SMURF1: variants seen among roughly 807,000 people sequenced by gnomAD.
SMURF1 encodes the protein SMAD specific E3 ubiquitin protein ligase 1.
In SMURF1, 44 loss-of-function variants were observed where a neutral mutation model predicts 98.0. The observed-to-expected ratio is 0.45, with a 90% CI of 0.35 to 0.58. The LOEUF (loss-of-function observed/expected upper bound fraction) is 0.58. Ranked by LOEUF, SMURF1 falls within the 20% of genes least tolerant of loss-of-function variation. The probability of loss-of-function intolerance (pLI) is 0.00; values close to 1 mark genes in which losing one functional copy is unlikely to be tolerated. For synonymous variants in SMURF1, 396 were observed against 374.9 expected, an observed-to-expected ratio of 1.06 and a Z score of -0.65; for missense variants, 687 against 938.4, an observed-to-expected ratio of 0.73 and a Z score of 3.50.
At position 99,028,133 on chromosome 7, in the gene SMURF1, C is replaced by T. The variant is rs1409175284; in HGVS notation, c.*2451G>A. The stretch of plus-strand genomic sequence containing the variant: ...GGGGCAGGGGGCATGGCTGGATCGC[C>T]TGGGACCACCGAGAGGGGCAACACA... On this transcript the variant is annotated 3_prime_UTR_variant, in exon 18 of 18. Transcript: ENST00000361368. The T allele has an allele frequency of 7.5e-6, 1 of 133,106 alleles. No homozygotes were observed. The highest frequency in any genetic ancestry group is 1.6e-5 in the Non-Finnish European group (1 of 60,678). 8.2% of individuals were successfully genotyped at this position (133,106 alleles called of 1,614,324 possible). A position where few individuals can be genotyped will look rare whatever the true frequency, so the allele number is the denominator to read the frequency against.
At position 99,049,616 on chromosome 7, in the gene SMURF1, A is replaced by T. The variant is rs1795691906; in HGVS notation, c.900T>A (p.Asp300Glu). ...TAAACTGGGTTGTTCGGTTATTATG[A>T]TCTACAAAATATATCCTCCCAGAAA... ...STVSGRIYFVDHNNRTTQFTD... is the reference protein window; with the variant it reads ...STVSGRIYFVEHNNRTTQFTD... The change falls in exon 9 of 18, where the codon GAT (aspartate) becomes GAA (glutamate). Residue 300 changes from aspartate (D) to glutamate (E), a missense_variant. Physicochemically the swap from Asp to Glu is conservative, Grantham distance 45. Coordinates refer to ENST00000361368, the MANE Select transcript of SMURF1 (RefSeq NM_181349.3). 6.2e-7 allele frequency: 1 copy of T among 1,613,992 alleles called. No homozygotes were observed. The highest frequency in any genetic ancestry group is 1.3e-5 in the African/African-American group (1 of 74,916).
intron 8 of SMURF1, chr7:99,050,561 T>TGATTAATGATTCTCCTGAATGAA (rs542115361): frequency 0.081 from 14,828 of 183,130 alleles, 841 homozygotes; most frequent in Non-Finnish European, 0.1. Flanking sequence ...ATTCTCCTGA[T>TGATTAATGATTCTCCTGAATGAA]TAATAATTTC....
chr7:99,065,604 G>A (rs997187961), intron 1 of SMURF1, among the ~76,000 whole-genome samples: 11 of 152,120 alleles, frequency 7.2e-5, no homozygotes, highest in African/African-American at 1.2e-4. Context: ...GTTTGCTTCA[G>A]TTTTCCTTTT....
intron 1 of SMURF1, among the ~76,000 whole-genome samples, chr7:99,113,609 G>A (rs1003414508): frequency 4.6e-5 from 7 of 151,944 alleles, no homozygotes; most frequent in Admixed American, 2.0e-4. Flanking sequence ...GGGAGTCCAA[G>A]GCGGGCAGAT....
chr7:99,105,606 C>T (rs187719154), intron 1 of SMURF1, among the ~76,000 whole-genome samples: 49 of 152,266 alleles, frequency 3.2e-4, no homozygotes, highest in Middle Eastern at 3.4e-3. Context: ...TAGCTTTGCC[C>T]AAGATAACAC....
At position 99,051,403 on chromosome 7, in the gene SMURF1, G is replaced by T. The variant is rs774902933; in HGVS notation, c.760C>A (p.His254Asn). 6.2e-7 allele frequency: 1 copy of T among 1,614,128 alleles called. No individual in the cohort carries two copies. The highest frequency in any genetic ancestry group is 8.5e-7 in the Non-Finnish European group (1 of 1,179,996). ...CACGTGCTAACTCCAGTCTGTGTAT[G>T]CAAAAAGTAAACTTGGCCCTGGACT... ...TTVQGQVYFLHTQTGVSTWHD... is the reference protein window; with the variant it reads ...TTVQGQVYFLNTQTGVSTWHD... The change falls in exon 8 of 18, where the codon CAT (histidine) becomes AAT (asparagine). Residue 254 changes from histidine to asparagine, a missense_variant. Physicochemically the swap from His to Asn is moderately conservative, Grantham distance 68. This residue lies in a region of SMURF1 where 415 missense variants were observed against 508.4 expected (regional missense o/e 0.82). Coordinates refer to ENST00000361368, the MANE Select transcript of SMURF1 (RefSeq NM_181349.3).
chr7:99,143,828 AGCCCG>A lies in SMURF1; in HGVS notation c.-53_-49del, dbSNP rs754575938. 47 of 1,442,120 alleles carry A rather than the reference AGCCCG, an allele frequency of 3.3e-5. 1 individual carries two copies. The highest frequency in any genetic ancestry group is 1.3e-4 in the East Asian group (4 of 29,778). 89.3% of individuals were successfully genotyped at this position (1,442,120 alleles called of 1,614,324 possible). On this transcript the variant is annotated 5_prime_UTR_variant, in exon 1 of 18. Coordinates refer to ENST00000361368, the MANE Select transcript of SMURF1 (RefSeq NM_181349.3). The stretch of plus-strand genomic sequence containing the variant: ...CGCGGATCCAGCGCCACCGCCCCCC[AGCCCG>A]GCCCGGCCCGGCCCCGCCGCCGCCG...
intron 12 of SMURF1, among the ~76,000 whole-genome samples, chr7:99,041,730 T>G (rs1795393587): frequency 6.6e-6 from 1 of 152,228 alleles, no homozygotes; most frequent in African/African-American, 2.4e-5. Flanking sequence ...TGGCAGCATT[T>G]GTGGCTTAAA....
chr7:99,103,110 A>AT lies in SMURF1; in HGVS notation c.55+40615dup, dbSNP rs1204352075. Among the ~76,000 whole-genome samples the AT allele has an allele frequency of 3.9e-5, 6 of 151,934 alleles. No individual in the cohort carries two copies. In the South Asian group the frequency reaches 1.0e-3, roughly 26 times the overall value. On this transcript the variant is annotated intron_variant, in intron 1 of 17. Transcript: ENST00000361368. ...GAGCCACCACACCCGGTTACAATCAATTTTTTTTCTTTTTTGGTGGCACAT... is the reference window on the plus strand; with the variant it reads ...GAGCCACCACACCCGGTTACAATCAATTTTTTTTTCTTTTTTGGTGGCACAT...
intron 1 of SMURF1, among the ~76,000 whole-genome samples, chr7:99,083,406 A>G (rs1270921138): frequency 6.6e-6 from 1 of 152,258 alleles, no homozygotes; most frequent in Non-Finnish European, 1.5e-5. Flanking sequence ...CTGTTAAATT[A>G]GTCTAAAACA....
chr7:99,119,592 T>C (rs1454736344), intron 1 of SMURF1, among the ~76,000 whole-genome samples: 1 of 152,146 alleles, frequency 6.6e-6, no homozygotes, highest in Non-Finnish European at 1.5e-5. Flanking sequence ...TGCATCATAA[T>C]AGAAGCTGGA....
intron 2 of SMURF1, 144 bp downstream of exon 2, chr7:99,061,655 G>C: frequency 1.9e-6 from 1 of 537,680 alleles, no homozygotes; most frequent in Non-Finnish European, 3.2e-6. Context: ...AGTCAACCGG[G>C]AAATAAAGCT....
At chr7:99,075,967 A>G (rs1340573664) in intron 1 of SMURF1, among the ~76,000 whole-genome samples, 1 of 152,354 alleles carries the variant, frequency 6.6e-6, no homozygotes, top group Admixed American at 6.5e-5. Flanking sequence ...ATTCTCACAA[A>G]CTGAACACAC....
At chr7:99,079,973 G>A (rs1204026641) in intron 1 of SMURF1, among the ~76,000 whole-genome samples, 3 of 149,812 alleles carry the variant, frequency 2.0e-5, no homozygotes, top group African/African-American at 4.9e-5. Context: ...ACCAGAAGCC[G>A]GTTCTTTTAA....
chr7:99,081,257 A>G (rs982282970), intron 1 of SMURF1: 1 of 152,264 alleles, frequency 6.6e-6, no homozygotes, highest in Non-Finnish European at 1.5e-5. Context: ...CTATAATCGC[A>G]GCAGTCTGGG....
chr7:99,059,408 AAAATAAAAT>A (rs1563010549), intron 3 of SMURF1, among the ~76,000 whole-genome samples: 28,366 of 92,086 alleles, frequency 0.31, 5,163 homozygotes, highest in East Asian at 0.43. Context: ...AAAAAAAAAT[AAAATAAAAT>A]AAAATAAAAT....
At chr7:99,097,514 G>T (rs1796980983) in intron 1 of SMURF1, among the ~76,000 whole-genome samples, 1 of 152,078 alleles carries the variant, frequency 6.6e-6, no homozygotes, top group South Asian at 2.1e-4. Context: ...TCAATCTCTT[G>T]CTCTCTCTCT....
intron 1 of SMURF1, among the ~76,000 whole-genome samples, chr7:99,073,568 C>T (rs1036079739): frequency 3.3e-5 from 5 of 151,534 alleles, no homozygotes; most frequent in African/African-American, 1.2e-4. Context: ...AGTTCGAGAC[C>T]AGCCTGGCCA....
intron 13 of SMURF1, 28 bp downstream of exon 13, chr7:99,040,350 A>C (rs755699492): frequency 2.1e-6 from 3 of 1,440,412 alleles, no homozygotes; most frequent in Non-Finnish European, 2.8e-6. Flanking sequence ...GCCCTAAGCC[A>C]GGTGACCGGC....
Sources: gnomAD v4.1 joint callset for allele counts (sites outside exome capture counted in the v4.1 genomes callset) on GRCh38, gnomAD v4.1.1 for gene constraint, gnomAD v4.1.1 regional missense constraint, MANE v1.5 for transcripts, NCBI Gene and HGNC (gene_info 2026-07-23, HGNC 2026-07-21) for gene names.